Variants in SAMD5 observed in about 807,000 individuals in gnomAD.
The protein encoded by SAMD5 is sterile alpha motif domain-containing protein 5.
SAMD5 carries 13 observed loss-of-function variants against 11.3 expected under a neutral mutation model. The ratio of observed to expected loss-of-function variants is 1.15; its 90% CI spans 0.75 to 1.83. The LOEUF (loss-of-function observed/expected upper bound fraction) is 1.83. Among genes scored for constraint, SAMD5 ranks in the 40% most tolerant of loss-of-function variants. The pLI, the probability that SAMD5 is intolerant of heterozygous loss-of-function variation, is 0.00. For missense variants in SAMD5, 255 were observed against 239.1 expected (o/e 1.07, Z -0.44); for synonymous variants, 129 against 111.3 (o/e 1.16, Z -1.00).
chr6:147,698,255 T>C (rs1304489629), intron 1 of SAMD5, among the ~76,000 whole-genome samples: 1 of 152,066 alleles, frequency 6.6e-6, no homozygotes, highest in Non-Finnish European at 1.5e-5. Flanking sequence ...TGTGGGACTA[T>C]TGAGTGGGTT....
intron 1 of SAMD5, among the ~76,000 whole-genome samples, chr6:147,704,813 C>A (rs1325663628): frequency 6.6e-6 from 1 of 152,202 alleles, no homozygotes; most frequent in Non-Finnish European, 1.5e-5. Context: ...CTGGTTGAAG[C>A]TTTTCTGTTC....
chr6:147,797,147 G>A, the SAMD5 span, among the ~76,000 whole-genome samples: 251 of 105,438 alleles, frequency 2.4e-3, no homozygotes, highest in Middle Eastern at 8.3e-3. Context: ...TCTTGTGCCA[G>A]TTTTCAAAGG....
At chr6:147,528,516 C>T (rs190293106) in intron 1 of SAMD5, among the ~76,000 whole-genome samples, 1 of 152,178 alleles carries the variant, frequency 6.6e-6, no homozygotes, top group African/African-American at 2.4e-5. Flanking sequence ...GTAATCACCT[C>T]TTTAAAGGCC....
chr6:147,718,723 C>T (rs1791502707), intron 1 of SAMD5, among the ~76,000 whole-genome samples: 1 of 151,644 alleles, frequency 6.6e-6, no homozygotes, highest in Non-Finnish European at 1.5e-5. Context: ...CAAAGTCTTG[C>T]TCTGTTGCCA....
At position 147,684,234 on chromosome 6, in the gene SAMD5, T is replaced by C. The variant is rs919192284; in HGVS notation, c.163-53083T>C. On this transcript the variant is annotated intron_variant, in intron 1 of 1. Transcript: ENST00000566741. ...TTGTGTTGGGCTTCCTCACTCCACATTGTGCTTGTAAGATTCCTCCATGTT... is the reference window on the plus strand; with the variant it reads ...TTGTGTTGGGCTTCCTCACTCCACACTGTGCTTGTAAGATTCCTCCATGTT... Among the ~76,000 whole-genome samples, 14 of 152,166 alleles carry C rather than the reference T, an allele frequency of 9.2e-5. 1 individual carries two copies. The highest frequency in any genetic ancestry group is 1.5e-5 in the Non-Finnish European group (1 of 68,040).
At chr6:147,835,946 G>A in the SAMD5 span, among the ~76,000 whole-genome samples, 2 of 152,218 alleles carry the variant, frequency 1.3e-5, no homozygotes, top group Middle Eastern at 3.4e-3. Flanking sequence ...GCAACGTCTC[G>A]CTATGCTTAC....
chr6:147,745,961 C>T, the SAMD5 span, among the ~76,000 whole-genome samples: 5 of 152,034 alleles, frequency 3.3e-5, no homozygotes, highest in Admixed American at 2.6e-4. Flanking sequence ...AGGCTGGTCT[C>T]GAACTCCTGG....
the SAMD5 span, among the ~76,000 whole-genome samples, chr6:147,786,013 C>T: frequency 1.3e-5 from 2 of 151,872 alleles, no homozygotes; most frequent in African/African-American, 4.8e-5. Context: ...TGCTGCTCAA[C>T]TCTGTTTAAT....
intron 1 of SAMD5, among the ~76,000 whole-genome samples, chr6:147,714,997 G>T (rs934532900): frequency 5.3e-5 from 8 of 152,170 alleles, no homozygotes; most frequent in Admixed American, 5.2e-4. Flanking sequence ...GGAAAATATG[G>T]GCATATATAC....
chr6:147,570,076 T>C (rs538582383), downstream of SAMD5: 1 of 899,546 alleles, frequency 1.1e-6, no homozygotes, highest in African/African-American at 1.8e-5. Context: ...GTGATGGAGT[T>C]TGTGCATTGT....
chr6:147,539,475 C>G (rs753576799), intron 1 of SAMD5, among the ~76,000 whole-genome samples: 3 of 152,238 alleles, frequency 2.0e-5, no homozygotes, highest in Admixed American at 1.3e-4. Context: ...ATTTCTGATA[C>G]CCCCAAAACT....
At chr6:147,760,920 A>G in the SAMD5 span, among the ~76,000 whole-genome samples, 1 of 152,240 alleles carries the variant, frequency 6.6e-6, no homozygotes. Flanking sequence ...GGAAGAGACA[A>G]TTTGACAAAT....
the SAMD5 span, among the ~76,000 whole-genome samples, chr6:147,858,792 C>T: frequency 6.6e-6 from 1 of 152,172 alleles, no homozygotes; most frequent in Admixed American, 6.5e-5. Context: ...ACAAGGAAAG[C>T]AAGCACAAGT....
At chr6:147,561,334 C>T (rs556265022) in intron 1 of SAMD5, among the ~76,000 whole-genome samples, 2 of 152,200 alleles carry the variant, frequency 1.3e-5, no homozygotes, top group Non-Finnish European at 2.9e-5. Flanking sequence ...ACTACAGGCA[C>T]GTGCCACCAC....
At chr6:147,606,949 G>A (rs1305502296) in intron 1 of SAMD5, among the ~76,000 whole-genome samples, 1 of 127,304 alleles carries the variant, frequency 7.9e-6, no homozygotes, top group Non-Finnish European at 1.6e-5. Context: ...ATTCAAATCT[G>A]TAGCAGCTTT....
intron 1 of SAMD5, among the ~76,000 whole-genome samples, chr6:147,544,623 G>T (rs545486415): frequency 3.3e-5 from 5 of 152,294 alleles, no homozygotes; most frequent in Admixed American, 6.5e-5. Context: ...TGACATTGCA[G>T]GGTCTGTTGT....
intron 1 of SAMD5, among the ~76,000 whole-genome samples, chr6:147,589,825 G>C (rs1027183957): frequency 6.6e-6 from 1 of 152,160 alleles, no homozygotes; most frequent in Non-Finnish European, 1.5e-5. Flanking sequence ...CACATAGTCA[G>C]CACTTACTTC....
chr6:147,847,481 T>C, the SAMD5 span, among the ~76,000 whole-genome samples: 1 of 152,190 alleles, frequency 6.6e-6, no homozygotes, highest in Non-Finnish European at 1.5e-5. Context: ...GGTTCAGCAT[T>C]TGGTGGCTAA....
At chr6:147,703,506 C>A (rs768249423) in intron 1 of SAMD5, among the ~76,000 whole-genome samples, 16 of 152,200 alleles carry the variant, frequency 1.1e-4, no homozygotes, top group Non-Finnish European at 2.2e-4. Context: ...TTTCCACACA[C>A]GAGAACTTTT....
Sources: gnomAD v4.1 joint callset for allele counts (sites outside exome capture counted in the v4.1 genomes callset) on GRCh38, gnomAD v4.1.1 for gene constraint, MANE v1.5 for transcripts, NCBI Gene and HGNC (gene_info 2026-07-23, HGNC 2026-07-21) for gene names.